Variants in ASH2L observed in about 807,000 individuals in gnomAD.
ASH2L encodes set1/Ash2 histone methyltransferase complex subunit ASH2.
In ASH2L, 30 loss-of-function variants were observed where a neutral mutation model predicts 81.1. The ratio of observed to expected loss-of-function variants is 0.37; its 90% CI spans 0.28 to 0.50. The LOEUF is 0.50. ASH2L is among the 20% of genes least tolerant of loss of function. The pLI, the probability that ASH2L is intolerant of heterozygous loss-of-function variation, is 0.95. For synonymous variants in ASH2L, 273 were observed against 279.9 expected (o/e 0.98, Z 0.24); for missense variants, 559 against 792.1 (o/e 0.71, Z 3.53).
At chr8:38,137,317 C>T (rs912331852) in intron 14 of ASH2L, among the ~76,000 whole-genome samples, 64 of 137,056 alleles carry the variant, frequency 4.7e-4, no homozygotes, top group South Asian at 2.2e-3. Context: ...GAGGCCGAGG[C>T]GGGCCGATCA....
At chr8:38,138,040 G>A (rs1454491739) in intron 14 of ASH2L, 1 of 152,150 alleles carries the variant, frequency 6.6e-6, no homozygotes. Flanking sequence ...CACTTTGGGA[G>A]GCCAATATAA....
chr8:38,115,030 T>G (rs1304314885), intron 7 of ASH2L, 30 bp downstream of exon 7: 2 of 1,461,334 alleles, frequency 1.4e-6, no homozygotes. Flanking sequence ...ATTTTCTTTT[T>G]GATTTTAAGC....
At chr8:38,130,227 CT>C (rs71216650) in intron 12 of ASH2L, among the ~76,000 whole-genome samples, 68,204 of 86,394 alleles carry the variant, frequency 0.79, 25,838 homozygotes, top group Non-Finnish European at 0.82. Flanking sequence ...CTTCTCTGTT[CT>C]TTTTTTTTTT....
upstream of ASH2L, chr8:38,105,518 A>C (rs1263049983): frequency 2.0e-6 from 3 of 1,518,546 alleles, no homozygotes; most frequent in Non-Finnish European, 2.6e-6. Flanking sequence ...GAGAGAAGAG[A>C]GTATTCTCGC....
At chr8:38,120,087 C>G (rs1396436220) in intron 9 of ASH2L, among the ~76,000 whole-genome samples, 1 of 152,124 alleles carries the variant, frequency 6.6e-6, no homozygotes, top group Non-Finnish European at 1.5e-5. Flanking sequence ...ATCGCGCTAT[C>G]GCACTCCAGC....
intron 11 of ASH2L, 29 bp downstream of exon 11, chr8:38,128,487 C>T (rs778540905): frequency 1.9e-6 from 3 of 1,609,484 alleles, no homozygotes; most frequent in South Asian, 1.1e-5. Context: ...ATGGACATCA[C>T]AGCAGATAGA....
At chr8:38,111,692 T>G (rs1283088286) in intron 5 of ASH2L, among the ~76,000 whole-genome samples, 1 of 152,198 alleles carries the variant, frequency 6.6e-6, no homozygotes, top group Non-Finnish European at 1.5e-5. Context: ...GGCCCATTTC[T>G]TCTTAGATTT....
chr8:38,133,068 C>T (rs1802121721), intron 12 of ASH2L, among the ~76,000 whole-genome samples: 1 of 147,228 alleles, frequency 6.8e-6, no homozygotes. Flanking sequence ...GCCTGGGCAA[C>T]AAGAGTGAAA....
intron 5 of ASH2L, among the ~76,000 whole-genome samples, chr8:38,113,008 C>T (rs1372450075): frequency 6.6e-6 from 1 of 151,510 alleles, no homozygotes; most frequent in African/African-American, 2.4e-5. Context: ...GCTCTGTCAC[C>T]CAGGCTAAAA....
In ASH2L at chr8:38,114,950, G is replaced by A; in HGVS notation, c.727G>A (p.Gly243Ser). The change falls in exon 7 of 16, where the codon GGC (glycine) becomes AGC (serine). Residue 243 changes from glycine to serine, a missense_variant. By Grantham distance (56) the Gly-to-Ser change is moderately conservative. Coordinates refer to ENST00000343823, the MANE Select transcript of ASH2L (RefSeq NM_004674.5). ...VFLVKEHPDP[G>S]SKDPEEDYPK... ...CTTGGTAAAGGAACACCCAGATCCA[G>A]GCAGTAAAGATCCAGAAGAAGATTA... 6.2e-7 allele frequency: 1 copy of A among 1,613,054 alleles called. No homozygotes were observed. The highest frequency in any genetic ancestry group is 8.5e-7 in the Non-Finnish European group (1 of 1,179,162).
intron 3 of ASH2L, among the ~76,000 whole-genome samples, chr8:38,108,692 G>A (rs542346854): frequency 2.0e-4 from 30 of 152,092 alleles, no homozygotes; most frequent in Admixed American, 7.9e-4. Context: ...ACAGTGGTGC[G>A]TGCCTGTAGT....
At chr8:38,119,384 G>A (rs1585581597) in intron 9 of ASH2L, 21 bp downstream of exon 9, 1 of 1,483,018 alleles carries the variant, frequency 6.7e-7, no homozygotes, top group Non-Finnish European at 9.0e-7. Context: ...TGCCCACCCT[G>A]CCCCCCTCAC....
Position 38,120,987 on chromosome 8 carries a change from C to G in ASH2L, c.1003C>G (p.Pro335Ala). Residue 335 changes from proline to alanine, a missense_variant, in exon 10 of 16, where the codon CCG becomes GCG. By Grantham distance (27) the Pro-to-Ala change is conservative. This residue lies in a region of ASH2L where 318 missense variants were observed against 527.0 expected (regional missense o/e 0.60). Coordinates refer to ENST00000343823, the MANE Select transcript of ASH2L (RefSeq NM_004674.5). ...CCCTCATGGCTACCCATTGGAACAC[C>G]CGTTTAACAAAGATGGCTATCGGTA... ...LPPHGYPLEH[P>A]FNKDGYRYIL... 1 of 1,613,556 alleles carries G rather than the reference C, an allele frequency of 6.2e-7. No individual in the cohort carries two copies. The highest frequency in any genetic ancestry group is 8.5e-7 in the Non-Finnish European group (1 of 1,179,960).
intron 8 of ASH2L, among the ~76,000 whole-genome samples, chr8:38,118,576 A>G (rs1811003054): frequency 6.6e-6 from 1 of 152,240 alleles, no homozygotes; most frequent in African/African-American, 2.4e-5. Context: ...CACAATCTTA[A>G]TAAATGTTGT....
chr8:38,120,255 G>A (rs1212879391), intron 9 of ASH2L, among the ~76,000 whole-genome samples: 2 of 152,226 alleles, frequency 1.3e-5, no homozygotes, highest in African/African-American at 4.8e-5. Flanking sequence ...CCTAGGGAGT[G>A]AAGTTCTGTT....
intron 12 of ASH2L, among the ~76,000 whole-genome samples, chr8:38,132,005 C>A (rs111238975): frequency 6.6e-6 from 1 of 152,262 alleles, no homozygotes; most frequent in South Asian, 2.1e-4. Context: ...TGCACCACCA[C>A]GCCCAGCTAA....
At position 38,105,782 on chromosome 8, in the gene ASH2L, G is replaced by A. The variant is rs773265766; in HGVS notation, c.188+44G>A. The A allele has an allele frequency of 5.3e-6, 8 of 1,495,706 alleles. 1 individual carries two copies. Among genetic ancestry groups the A allele is most frequent in the Admixed American group, 2.4e-5 (1 of 42,164 alleles). The allele number at this position is 1,495,706 out of a possible 1,614,324, so 92.7% of individuals were successfully genotyped here. On this transcript the variant is annotated intron_variant, in intron 1 of 15. Transcript: ENST00000343823. ...CGAGGAAGACGCGGGAGGGAGGCCC[G>A]CCCCTCGCGAATCCCGCGGCTCCTG...
chr8:38,133,071 G>A (rs1327347855), intron 12 of ASH2L, among the ~76,000 whole-genome samples: 2 of 150,724 alleles, frequency 1.3e-5, no homozygotes, highest in Non-Finnish European at 2.9e-5. Flanking sequence ...TGGGCAACAA[G>A]AGTGAAACTC....
intron 6 of ASH2L, 156 bp from the exon 7 acceptor site, chr8:38,114,749 T>C: frequency 3.4e-6 from 2 of 589,472 alleles, no homozygotes; most frequent in Admixed American, 6.2e-5. Context: ...GTTTGAATTT[T>C]TTGATGGTCA....
Sources: allele counts gnomAD v4.1 joint callset (sites outside exome capture counted in the v4.1 genomes callset), GRCh38; gene constraint gnomAD v4.1.1; regional missense constraint gnomAD v4.1.1; transcripts MANE v1.5; gene names NCBI Gene and HGNC (gene_info 2026-07-23, HGNC 2026-07-21).